Variants in FRY observed in about 807,000 individuals in gnomAD.
FRY encodes the protein protein furry homolog.
A neutral mutation model predicts 348.4 loss-of-function variants in FRY; 128 were observed. The observed-to-expected ratio is 0.37, with a 90% CI of 0.32 to 0.43. The LOEUF (loss-of-function observed/expected upper bound fraction) is 0.43. Ranked by LOEUF, FRY falls within the 20% of genes least tolerant of loss-of-function variation. The pLI is 1.00. For synonymous variants in FRY, 1,370 were observed against 1,374.7 expected (o/e 1.00, Z 0.08); for missense variants, 2,736 against 3,695.2 (o/e 0.74, Z 6.73).
chr13:32,212,345 G>T lies in FRY; in HGVS notation c.4645G>T (p.Ala1549Ser). 6.2e-7 allele frequency: 1 copy of T among 1,609,990 alleles called. No homozygotes were observed. Residue 1549 changes from alanine to serine, a missense_variant, in exon 35 of 61, where the codon GCT becomes TCT. Transcript: ENST00000542859. ...TGCTGGCCAGGAAAATTTCCCAGAT[G>T]CTGAGGAGAACAAGATATTGAAAGA... ...VVAGQENFPD[A>S]EENKILKESD...
chr13:32,265,457 C>T lies in FRY; in HGVS notation c.7787C>T (p.Ala2596Val). 1.9e-6 allele frequency: 3 copies of T among 1,614,090 alleles called. No individual in the cohort carries two copies. Among genetic ancestry groups the T allele is most frequent in the Non-Finnish European group, 2.5e-6 (3 of 1,179,968 alleles). ...GTCTTTTTATTCTTCCAGGCTGAAGCTGTTCGTGAGGAGGAGGACACCACC... is the reference window on the plus strand; with the variant it reads ...GTCTTTTTATTCTTCCAGGCTGAAGTTGTTCGTGAGGAGGAGGACACCACC... ...LQISEGSKAE[A>V]VREEEDTTVH... The change falls in exon 54 of 61, where the codon GCT (alanine) becomes GTT (valine). Residue 2596 changes from alanine to valine, a missense_variant. Physicochemically the swap from Ala to Val is moderately conservative, Grantham distance 64. Transcript: ENST00000542859.
intron 16 of FRY, among the ~76,000 whole-genome samples, chr13:32,160,333 A>G (rs1335111576): frequency 6.6e-6 from 1 of 152,198 alleles, no homozygotes; most frequent in Non-Finnish European, 1.5e-5. Flanking sequence ...ATGCTGTTAT[A>G]TATTATCACT....
In FRY at chr13:32,254,240, G is replaced by A. The variant is rs1397690657; in HGVS notation, c.7262G>A (p.Cys2421Tyr). 6.8e-6 allele frequency: 11 copies of A among 1,613,966 alleles called. No individual in the cohort carries two copies. The highest frequency in any genetic ancestry group is 8.5e-6 in the Non-Finnish European group (10 of 1,180,008). The change falls in exon 51 of 61, where the codon TGT becomes TAT. Residue 2421 changes from cysteine to tyrosine, a missense_variant. Cys to Tyr is a radical substitution (Grantham distance 194). Around this residue, in one of 9 missense-constraint regions of FRY, gnomAD observed 789 missense variants for 996.2 expected, o/e 0.79. Coordinates refer to ENST00000542859, the MANE Select transcript of FRY (RefSeq NM_023037.3). The stretch of plus-strand genomic sequence containing the variant: ...GATTCGCAGGTGATTTTTTCATCGT[G>A]TGGGGATCTGGATCTGCTTGAGCAC... ...SKNPSVIFSS[C>Y]GDLDLLEHQT...
rs1355014032 is a variant in FRY at position 32,295,807 on chromosome 13, T to C, written c.*347T>C. The C allele has an allele frequency of 3.7e-6, 1 of 271,980 alleles. No homozygotes were observed. Among genetic ancestry groups the C allele is most frequent in the East Asian group, 7.1e-5 (1 of 14,164 alleles). The allele number at this position is 271,980 out of a possible 1,614,324, so 16.8% of individuals were successfully genotyped here. A position where few individuals can be genotyped will look rare whatever the true frequency, so the allele number is the denominator to read the frequency against. ...CTTCCTTTCTAGAAACAATTTTAGA[T>C]TGGCAAAAGTGCAATGTTTTCTTCA... is the stretch of plus-strand genomic sequence containing the variant. On this transcript the variant is annotated 3_prime_UTR_variant, in exon 61 of 61. Transcript: ENST00000542859.
chr13:32,054,424 C>CAA (rs34132802), intron 1 of FRY, among the ~76,000 whole-genome samples: 58 of 150,536 alleles, frequency 3.9e-4, no homozygotes, highest in Admixed American at 1.6e-3. Flanking sequence ...AAAACTAGAC[C>CAA]AAAAAAAAAT....
At chr13:32,176,455 TCA>T (rs1882366859) in intron 20 of FRY, among the ~76,000 whole-genome samples, 1 of 152,184 alleles carries the variant, frequency 6.6e-6, no homozygotes, top group Non-Finnish European at 1.5e-5. Flanking sequence ...TCAGAGCTCT[TCA>T]TGGCCTTTTC....
At position 32,188,895 on chromosome 13, in the gene FRY, T is replaced by C. The variant is rs76797005; in HGVS notation, c.3591+1239T>C. 8.6e-3 allele frequency among the ~76,000 whole-genome samples: 1,311 copies of C among 152,230 alleles called. 22 individuals carry two copies. Among genetic ancestry groups the C allele is most frequent in the African/African-American group, 0.03 (1,264 of 41,548 alleles). On this transcript the variant is annotated intron_variant, in intron 28 of 60. Coordinates refer to ENST00000542859, the MANE Select transcript of FRY (RefSeq NM_023037.3). ...CCGTCACATGGAACATTTGCTAAAG[T>C]TTAATTTTTCAGTCAGAATTGTATA...
At chr13:32,110,538 C>T (rs929034718) in intron 3 of FRY, among the ~76,000 whole-genome samples, 1 of 151,802 alleles carries the variant, frequency 6.6e-6, no homozygotes, top group Non-Finnish European at 1.5e-5. Flanking sequence ...TGACCCTTAC[C>T]TGTTGGAGAT....
intron 31 of FRY, among the ~76,000 whole-genome samples, chr13:32,203,795 G>T (rs1314327925): frequency 6.6e-6 from 1 of 151,964 alleles, no homozygotes; most frequent in Non-Finnish European, 1.5e-5. Flanking sequence ...ACAGACTTTG[G>T]CCTCTTGAAT....
intron 43 of FRY, among the ~76,000 whole-genome samples, 171 bp downstream of exon 43, chr13:32,236,343 CACAA>C (rs947837929): frequency 6.1e-3 from 38 of 6,262 alleles, no homozygotes; most frequent in Non-Finnish European, 9.2e-3. Context: ...TCATAATACA[CACAA>C]ACACACACAC....
At chr13:32,293,603 A>G (rs1032242340) in intron 59 of FRY, among the ~76,000 whole-genome samples, 3 of 152,200 alleles carry the variant, frequency 2.0e-5, no homozygotes, top group East Asian at 3.8e-4. Flanking sequence ...CAAAACAACC[A>G]TCTTCCGTAG....
intron 53 of FRY, among the ~76,000 whole-genome samples, chr13:32,264,835 G>C (rs148079283): frequency 2.6e-5 from 4 of 152,188 alleles, no homozygotes; most frequent in Non-Finnish European, 5.9e-5. Context: ...TATATGGAAA[G>C]ACCGAGCAAC....
intron 2 of FRY, among the ~76,000 whole-genome samples, chr13:32,079,437 G>A (rs1405327913): frequency 6.6e-6 from 1 of 152,058 alleles, no homozygotes; most frequent in Admixed American, 6.5e-5. Context: ...AAATCATTTT[G>A]TTCAGGTGGC....
rs918201602 is a variant in FRY, at chr13:32,223,250, G to A, written c.4766-985G>A. On this transcript the variant is annotated intron_variant, in intron 36 of 60. Coordinates refer to ENST00000542859, the MANE Select transcript of FRY (RefSeq NM_023037.3). ...TAGGATTACAGGGGTGAGCTACCGC[G>A]ACCAGGCCAAACTGTGCTTTATTGA... Among the ~76,000 whole-genome samples, 57 of 152,110 alleles carry A rather than the reference G, an allele frequency of 3.7e-4. 1 individual carries two copies. Among genetic ancestry groups the A allele is most frequent in the Non-Finnish European group, 8.8e-5 (6 of 68,014 alleles).
chr13:32,048,716 C>A (rs1873160203), intron 1 of FRY, among the ~76,000 whole-genome samples: 1 of 152,072 alleles, frequency 6.6e-6, no homozygotes, highest in Non-Finnish European at 1.5e-5. Context: ...CTCACAAGGT[C>A]TTTTTCCACG....
intron 28 of FRY, among the ~76,000 whole-genome samples, chr13:32,192,617 C>T (rs377700381): frequency 9.9e-5 from 15 of 152,254 alleles, no homozygotes; most frequent in Middle Eastern, 3.4e-3. Flanking sequence ...TAGAATATCA[C>T]TCCCACCTAG....
rs371350220 is a variant in FRY at position 32,274,914 on chromosome 13, G to A, written c.8209G>A (p.Gly2737Arg). The A allele has an allele frequency of 2.4e-5, 38 of 1,612,790 alleles. No homozygotes were observed. Among genetic ancestry groups the A allele is most frequent in the African/African-American group, 2.3e-4 (17 of 74,784 alleles). The stretch of plus-strand genomic sequence containing the variant: ...CCTTGGAGATAACCTCCGGGGAATC[G>A]GATCCAAATTTGTCAGCTCTTCCCA... ...SYLGDNLRGI[G>R]SKFVSSSQML... The change falls in exon 56 of 61, where the codon GGA (glycine) becomes AGA (arginine). Residue 2737 changes from glycine to arginine, a missense_variant. Coordinates refer to ENST00000542859, the MANE Select transcript of FRY (RefSeq NM_023037.3).
chr13:32,089,113 T>G (rs1876083094), intron 2 of FRY, among the ~76,000 whole-genome samples: 1 of 152,220 alleles, frequency 6.6e-6, no homozygotes, highest in South Asian at 2.1e-4. Context: ...ATTTTGACAT[T>G]CCTGAAAATC....
chr13:32,166,977 G>C (rs1475872383), intron 17 of FRY, among the ~76,000 whole-genome samples: 1 of 152,128 alleles, frequency 6.6e-6, no homozygotes. Flanking sequence ...AGAATAGCAA[G>C]GACTACACTG....
Sources: allele counts gnomAD v4.1 joint callset (sites outside exome capture counted in the v4.1 genomes callset), GRCh38; gene constraint gnomAD v4.1.1; regional missense constraint gnomAD v4.1.1; transcripts MANE v1.5; gene names NCBI Gene and HGNC (gene_info 2026-07-23, HGNC 2026-07-21).